The following SMARCA1 variants were observed in gnomAD, a reference collection of about 807,000 sequenced individuals.
SMARCA1 encodes SNF2 related chromatin remodeling ATPase 1, also known as SWI/SNF-related matrix-associated actin-dependent regulator of chromatin subfamily A member 1.
Under a neutral mutation model 93.6 loss-of-function variants are expected in SMARCA1, and 17 were observed. That is an observed-to-expected ratio of 0.18 (90% CI 0.12 to 0.27). The LOEUF (loss-of-function observed/expected upper bound fraction) is 0.27, where lower values mean the gene tolerates loss of function less well. Among genes scored for constraint, SMARCA1 ranks in the 10% least tolerant of loss-of-function variants. The pLI is 1.00. For missense variants in SMARCA1, 630 were observed against 819.0 expected (o/e 0.77, Z 2.82); for synonymous variants, 271 against 271.4 (o/e 1.00, Z 0.01).
Position 129,516,504 on chromosome X carries a change from T to C in SMARCA1, c.262-7A>G, listed in dbSNP as rs757163926. On this transcript the variant is annotated splice_polypyrimidine_tract_variant and splice_region_variant and intron_variant, in intron 2 of 24. Transcript: ENST00000371121. The stretch of plus-strand genomic sequence containing the variant: ...TCTTTGCTCGGTCGGCTTTCTAATT[T>C]GCAAAACAAAAGAAAAGTAAGGACT... The C allele has an allele frequency of 4.2e-6, 5 of 1,191,657 alleles. No individual in the cohort carries two copies. Among genetic ancestry groups the C allele is most frequent in the Non-Finnish European group, 5.6e-6 (5 of 886,142 alleles).
chrX:129,519,158 C>A (rs999841824), intron 1 of SMARCA1, among the ~76,000 whole-genome samples: 1 of 111,321 alleles, frequency 9.0e-6, no homozygotes, highest in African/African-American at 3.3e-5. Context: ...TGTAATTTAG[C>A]GAAAACTAAC....
intron 9 of SMARCA1, among the ~76,000 whole-genome samples, chrX:129,503,673 G>C (rs1426905705): frequency 9.0e-6 from 1 of 111,379 alleles, no homozygotes; most frequent in Admixed American, 9.5e-5. Context: ...TCAAAGAATA[G>C]AAAGTTGGGG....
chrX:129,502,190 C>T (rs1934593397), intron 9 of SMARCA1, among the ~76,000 whole-genome samples: 1 of 111,199 alleles, frequency 9.0e-6, no homozygotes, highest in South Asian at 3.8e-4. Context: ...AAGTATAGTG[C>T]TTAGGAGAAG....
chrX:129,514,739 C>T (rs1488623564), intron 5 of SMARCA1, among the ~76,000 whole-genome samples: 3 of 111,505 alleles, frequency 2.7e-5, no homozygotes, highest in Admixed American at 9.6e-5. Flanking sequence ...GAAGGACACA[C>T]AGGGCAGACC....
At chrX:129,523,145 A>T in intron 1 of SMARCA1, 52 bp downstream of exon 1, 1 of 1,177,524 alleles carries the variant, frequency 8.5e-7, no homozygotes. Flanking sequence ...GGCCCCTCAG[A>T]GGGGCCAGGC....
chrX:129,505,180 C>T (rs1934762848), intron 8 of SMARCA1, among the ~76,000 whole-genome samples: 1 of 111,778 alleles, frequency 8.9e-6, no homozygotes, highest in Non-Finnish European at 1.9e-5. Context: ...TGCAAAGCAA[C>T]TTATGGCCAA....
intron 17 of SMARCA1, among the ~76,000 whole-genome samples, chrX:129,485,970 C>T (rs1448173797): frequency 2.7e-5 from 3 of 111,343 alleles, no homozygotes; most frequent in African/African-American, 3.3e-5. Flanking sequence ...TCTTTATAAA[C>T]TACCAAGCCT....
chrX:129,504,371 T>G (rs1214482377), intron 9 of SMARCA1, among the ~76,000 whole-genome samples: 1 of 108,117 alleles, frequency 9.2e-6, no homozygotes, highest in Non-Finnish European at 1.9e-5. Flanking sequence ...TACATGACAG[T>G]GGAGAAGCAG....
chrX:129,514,693 T>A, intron 5 of SMARCA1, among the ~76,000 whole-genome samples: 1 of 111,083 alleles, frequency 9.0e-6, no homozygotes, highest in East Asian at 2.8e-4. Flanking sequence ...ACAAGGAAAG[T>A]AAGAAAGACA....
At chrX:129,504,556 A>C (rs945175864) in intron 9 of SMARCA1, among the ~76,000 whole-genome samples, 178 bp downstream of exon 9, 1 of 87,082 alleles carries the variant, frequency 1.1e-5, no homozygotes, top group African/African-American at 5.0e-5. Context: ...GAATAAAAAA[A>C]AAAAAAAAAA....
chrX:129,501,381 C>T (rs112542716), intron 9 of SMARCA1, among the ~76,000 whole-genome samples: 1,130 of 110,023 alleles, frequency 0.01, 17 homozygotes, highest in African/African-American at 0.035. Flanking sequence ...CTGCAACCTC[C>T]GCCTCCCAGG....
At chrX:129,506,035 G>A (rs372210180) in intron 8 of SMARCA1, 45 bp downstream of exon 8, 91 of 997,195 alleles carry the variant, frequency 9.1e-5, no homozygotes, top group Non-Finnish European at 1.2e-4. Flanking sequence ...ACACATGTCA[G>A]TGAAAATAAG....
intron 23 of SMARCA1, among the ~76,000 whole-genome samples, chrX:129,460,317 T>C (rs1932785540): frequency 9.0e-6 from 1 of 110,900 alleles, no homozygotes; most frequent in South Asian, 3.8e-4. Context: ...TATTAATTCA[T>C]ATTTTTCATA....
In SMARCA1 at chrX:129,499,831, G is replaced by A. The variant is rs201127618; in HGVS notation, c.1178C>T (p.Pro393Leu). 3.6e-6 allele frequency: 4 copies of A among 1,096,104 alleles called. No individual in the cohort carries two copies. The highest frequency in any genetic ancestry group is 5.0e-6 in the Non-Finnish European group (4 of 798,472). 90.3% of individuals were successfully genotyped at this position (1,096,104 alleles called of 1,213,427 possible). ...AGTTTTTATACGGCGTAACAAAAAT[G>A]GTTTTAAAACCTAAAAGGTGATCAT... is the stretch of plus-strand genomic sequence containing the variant. ...LVERLHAVLK[P>L]FLLRRIKTDV... Residue 393 changes from proline (P) to leucine (L), a missense_variant, in exon 10 of 25, where the codon CCA becomes CTA. Pro to Leu is a moderately conservative substitution (Grantham distance 98). This residue lies in a region of SMARCA1 where 382 missense variants were observed against 537.9 expected (regional missense o/e 0.71). Transcript: ENST00000371121.
At chrX:129,511,346 G>A (rs1337040929) in intron 6 of SMARCA1, among the ~76,000 whole-genome samples, 2 of 111,984 alleles carry the variant, frequency 1.8e-5, no homozygotes, top group African/African-American at 6.5e-5. Flanking sequence ...AGAGGTTCCA[G>A]TTGTGTACAT....
intron 19 of SMARCA1, among the ~76,000 whole-genome samples, chrX:129,475,018 G>A (rs1211291599): frequency 9.0e-6 from 1 of 110,652 alleles, no homozygotes; most frequent in South Asian, 3.9e-4. Flanking sequence ...ATGTGGAACT[G>A]TGAGTCAATT....
At chrX:129,478,691 G>A (rs910288273) in intron 19 of SMARCA1, among the ~76,000 whole-genome samples, 4 of 112,072 alleles carry the variant, frequency 3.6e-5, no homozygotes, top group Non-Finnish European at 7.5e-5. Context: ...GCCAGAATGT[G>A]GTGGTCACTG....
chrX:129,508,038 T>A lies in SMARCA1; in HGVS notation c.869A>T (p.Tyr290Phe). Residue 290 changes from tyrosine to phenylalanine, a missense_variant, in exon 7 of 25, where the codon TAT becomes TTT. Tyr to Phe is a conservative substitution (Grantham distance 22, BLOSUM62 3). Transcript: ENST00000371121. ...PGEWDVCVTS[Y>F]EMVIKEKSVF... The stretch of plus-strand genomic sequence containing the variant: ...AGATTTTTCTTTAATTACCATCTCA[T>A]AAGAAGTAACGCAAACATCCCACTC... The A allele has an allele frequency of 8.4e-7, 1 of 1,190,034 alleles. No homozygotes were observed. Among genetic ancestry groups the A allele is most frequent in the East Asian group, 3.0e-5 (1 of 33,260 alleles).
intron 23 of SMARCA1, among the ~76,000 whole-genome samples, chrX:129,464,596 A>G (rs1932863586): frequency 8.9e-6 from 1 of 112,364 alleles, no homozygotes; most frequent in African/African-American, 3.2e-5. Context: ...TATCTCTTCA[A>G]CTTAAATATT....
Sources: allele counts gnomAD v4.1 joint callset (sites outside exome capture counted in the v4.1 genomes callset), GRCh38; gene constraint gnomAD v4.1.1; regional missense constraint gnomAD v4.1.1; transcripts MANE v1.5; gene names NCBI Gene and HGNC (gene_info 2026-07-23, HGNC 2026-07-21).